GRM8: variants seen among roughly 807,000 people sequenced by gnomAD.
GRM8 encodes metabotropic glutamate receptor 8.
Under a neutral mutation model 87.2 loss-of-function variants are expected in GRM8, and 47 were observed. The observed-to-expected ratio is 0.54, with a 90% confidence interval of 0.43 to 0.69. The LOEUF (loss-of-function observed/expected upper bound fraction) is 0.69. Ranked by LOEUF, GRM8 falls within the 30% of genes least tolerant of loss-of-function variation. The pLI, the probability that GRM8 is intolerant of heterozygous loss-of-function variation, is 0.00. For synonymous variants in GRM8, 396 were observed against 404.5 expected (o/e 0.98, Z 0.25); for missense variants, 1,019 against 1,139.2 (o/e 0.89, Z 1.52).
intron 9 of GRM8, among the ~76,000 whole-genome samples, chr7:126,520,860 T>A (rs1043288501): frequency 6.6e-6 from 1 of 152,168 alleles, no homozygotes; most frequent in African/African-American, 2.4e-5. Flanking sequence ...TTCTTTTGTA[T>A]TTCGAATGTA....
chr7:126,617,655 A>G (rs1013362224), intron 7 of GRM8, among the ~76,000 whole-genome samples: 8 of 152,322 alleles, frequency 5.3e-5, no homozygotes, highest in African/African-American at 1.9e-4. Context: ...AATCTCCTTA[A>G]GCTGATAAGC....
At chr7:126,823,640 T>C (rs1289419694) in intron 6 of GRM8, among the ~76,000 whole-genome samples, 1 of 152,228 alleles carries the variant, frequency 6.6e-6, no homozygotes, top group Non-Finnish European at 1.5e-5. Context: ...AATATTATCA[T>C]TTCAAAATGT....
At chr7:127,249,992 C>T (rs137928658) in intron 1 of GRM8, among the ~76,000 whole-genome samples, 1 of 152,146 alleles carries the variant, frequency 6.6e-6, no homozygotes, top group Non-Finnish European at 1.5e-5. Context: ...CTCCCCCCAA[C>T]TAAAGCAAGG....
rs191788088 is a variant in GRM8 at position 126,693,279 on chromosome 7, T to C, written c.1357+76586A>G. 2.0e-3 allele frequency among the ~76,000 whole-genome samples: 310 copies of C among 152,324 alleles called. 1 individual carries two copies. Among genetic ancestry groups the C allele is most frequent in the Non-Finnish European group, 3.5e-3 (241 of 68,012 alleles). On this transcript the variant is annotated intron_variant, in intron 7 of 10. Transcript: ENST00000339582. ...GATACATTTCCAACCAAATTTCTTTTATTAGAAATGCTTTTTTCTGATTAT... is the reference window on the plus strand; with the variant it reads ...GATACATTTCCAACCAAATTTCTTTCATTAGAAATGCTTTTTTCTGATTAT...
chr7:127,243,695 A>G (rs1345795790), intron 1 of GRM8, among the ~76,000 whole-genome samples, 180 bp from the exon 2 acceptor site: 4 of 151,918 alleles, frequency 2.6e-5, no homozygotes, highest in Admixed American at 6.6e-5. Flanking sequence ...GAGATTGATC[A>G]TATTTTTGGA....
At chr7:126,625,346 T>A (rs1045662301) in intron 7 of GRM8, among the ~76,000 whole-genome samples, 2 of 152,186 alleles carry the variant, frequency 1.3e-5, no homozygotes, top group African/African-American at 4.8e-5. Context: ...AATACACAAT[T>A]CGTTTCCATA....
intron 9 of GRM8, among the ~76,000 whole-genome samples, chr7:126,453,415 C>T (rs1387424611): frequency 2.0e-5 from 3 of 151,664 alleles, no homozygotes; most frequent in East Asian, 2.0e-4. Context: ...AAATCAAAAG[C>T]TACGAATAAA....
chr7:126,849,667 C>T (rs1032276250), intron 6 of GRM8, among the ~76,000 whole-genome samples: 1 of 152,184 alleles, frequency 6.6e-6, no homozygotes, highest in South Asian at 2.1e-4. Flanking sequence ...CCTCTCCTAT[C>T]CTCACTGTCA....
intron 3 of GRM8, among the ~76,000 whole-genome samples, chr7:127,019,609 T>A (rs1472669621): frequency 6.6e-6 from 1 of 152,062 alleles, no homozygotes; most frequent in Non-Finnish European, 1.5e-5. Context: ...AAAAATCAGC[T>A]CTGGCCAGCT....
rs570431160 is a variant in GRM8, at chr7:127,186,738, G to C, written c.510+55957C>G. Among the ~76,000 whole-genome samples, 3 of 152,288 alleles carry C rather than the reference G, an allele frequency of 2.0e-5. No homozygotes were observed. The East Asian group carries it at 5.8e-4, about 29-fold the overall frequency. The stretch of plus-strand genomic sequence containing the variant: ...TTAATTTGCTGATGAGAGCTTTTCA[G>C]TTGTAATGCAAGAGATCTTATGGGA... On this transcript the variant is annotated intron_variant, in intron 2 of 10. Coordinates refer to ENST00000339582, the MANE Select transcript of GRM8 (RefSeq NM_000845.3).
intron 2 of GRM8, among the ~76,000 whole-genome samples, chr7:127,145,922 TA>T (rs1292162457): frequency 2.6e-5 from 4 of 152,180 alleles, no homozygotes; most frequent in Non-Finnish European, 4.4e-5. Context: ...ACCCTACTTT[TA>T]AAAAAGCAGT....
intron 6 of GRM8, among the ~76,000 whole-genome samples, chr7:126,827,039 T>C (rs1172217370): frequency 1.3e-5 from 2 of 152,202 alleles, no homozygotes; most frequent in African/African-American, 4.8e-5. Flanking sequence ...TATGTGGCAT[T>C]ATTTCTGAGG....
intron 8 of GRM8, among the ~76,000 whole-genome samples, chr7:126,540,087 A>T (rs915582912): frequency 7.2e-5 from 11 of 152,136 alleles, no homozygotes; most frequent in Non-Finnish European, 8.8e-5. Flanking sequence ...TATATTTTTT[A>T]AAAACTGTTA....
At chr7:127,037,151 C>A (rs1350207993) in intron 3 of GRM8, among the ~76,000 whole-genome samples, 3 of 152,060 alleles carry the variant, frequency 2.0e-5, no homozygotes, top group Non-Finnish European at 2.9e-5. Context: ...TGGTTTTTAA[C>A]CAATGTTTGA....
intron 3 of GRM8, among the ~76,000 whole-genome samples, chr7:127,033,711 C>T (rs1817597602): frequency 6.6e-6 from 1 of 152,084 alleles, no homozygotes; most frequent in Non-Finnish European, 1.5e-5. Flanking sequence ...CTCCCACAAA[C>T]CTTTAGATAG....
intron 3 of GRM8, among the ~76,000 whole-genome samples, chr7:127,077,019 GC>G (rs1307720745): frequency 6.6e-6 from 1 of 152,154 alleles, no homozygotes; most frequent in Non-Finnish European, 1.5e-5. Context: ...ACCACTACCT[GC>G]ACCCCATATG....
At chr7:127,172,925 C>T (rs1486426952) in intron 2 of GRM8, among the ~76,000 whole-genome samples, 2 of 152,250 alleles carry the variant, frequency 1.3e-5, no homozygotes, top group East Asian at 3.9e-4. Context: ...CTCATACAAG[C>T]TTGCATCAAA....
chr7:126,953,539 C>T (rs1021796932), intron 3 of GRM8, among the ~76,000 whole-genome samples: 3 of 152,126 alleles, frequency 2.0e-5, no homozygotes, highest in Non-Finnish European at 2.9e-5. Context: ...CTTTTGTTTG[C>T]TGATGTGTTG....
chr7:126,685,644 C>T lies in GRM8; in HGVS notation c.1358-76146G>A, dbSNP rs111272507. Among the ~76,000 whole-genome samples, 2,320 of 152,222 alleles carry T rather than the reference C, an allele frequency of 0.015. 25 individuals are homozygous for T. Among genetic ancestry groups the T allele is most frequent in the Non-Finnish European group, 0.023 (1,592 of 67,986 alleles). ...GGGCATATGCTCAGGGCAGCAGTGACCCACCAACCCCTTGCTGCCTCGGCT... is the reference window on the plus strand; with the variant it reads ...GGGCATATGCTCAGGGCAGCAGTGATCCACCAACCCCTTGCTGCCTCGGCT... On this transcript the variant is annotated intron_variant, in intron 7 of 10. Coordinates refer to ENST00000339582, the MANE Select transcript of GRM8 (RefSeq NM_000845.3). This position sits in a 1 kb window ranked among gnomAD's most constrained non-coding sequence, Gnocchi z 4.2.
Sources: gnomAD v4.1 joint callset for allele counts (sites outside exome capture counted in the v4.1 genomes callset) on GRCh38, gnomAD v4.1.1 for gene constraint, Gnocchi (gnomAD v3.1) non-coding constraint, MANE v1.5 for transcripts, NCBI Gene and HGNC (gene_info 2026-07-23, HGNC 2026-07-21) for gene names.